GRB10: variants seen among roughly 807,000 people sequenced by gnomAD.
GRB10 encodes the protein growth factor receptor-bound protein 10.
GRB10 carries 20 observed loss-of-function variants against 80.9 expected under a neutral mutation model. The observed-to-expected ratio is 0.25, with a 90% CI of 0.17 to 0.36. The LOEUF (loss-of-function observed/expected upper bound fraction) is 0.36, where lower values mean the gene tolerates loss of function less well. Ranked by LOEUF, GRB10 falls within the 10% of genes least tolerant of loss-of-function variation. The probability of loss-of-function intolerance (pLI) is 1.00; values close to 1 mark genes in which losing one functional copy is unlikely to be tolerated. For missense variants in GRB10, 548 were observed against 747.7 expected, an observed-to-expected ratio of 0.73 and a Z score of 3.12; for synonymous variants, 291 against 291.5, an observed-to-expected ratio of 1.00 and a Z score of 0.02.
At chr7:50,641,592 C>T (rs2056282383) in intron 7 of GRB10, among the ~76,000 whole-genome samples, 2 of 152,230 alleles carry the variant, frequency 1.3e-5, no homozygotes, top group African/African-American at 2.4e-5. Flanking sequence ...ACAATGACAG[C>T]AGCTGAAGGC....
chr7:50,675,240 G>A (rs2237473), intron 5 of GRB10, among the ~76,000 whole-genome samples: 29,635 of 152,186 alleles, frequency 0.19, 3,773 homozygotes, highest in East Asian at 0.51. Context: ...CCATCCTCTC[G>A]ATTGGCCAGA....
chr7:50,763,229 T>A (rs919272450), intron 2 of GRB10, among the ~76,000 whole-genome samples: 1 of 151,476 alleles, frequency 6.6e-6, no homozygotes, highest in Non-Finnish European at 1.5e-5. Context: ...CAGCCCAACA[T>A]AAAAATGGGG....
At chr7:50,623,825 A>AT (rs145855464) in intron 8 of GRB10, among the ~76,000 whole-genome samples, 5,739 of 151,980 alleles carry the variant, frequency 0.038, 152 homozygotes, top group Non-Finnish European at 0.059. Flanking sequence ...TGGTTTTTGG[A>AT]TTTTTTTTCA....
rs1214897911 is a variant in GRB10, at chr7:50,609,952, A to G, written c.1194+2789T>C. Among the ~76,000 whole-genome samples the G allele has an allele frequency of 2.6e-5, 4 of 152,298 alleles. No individual in the cohort carries two copies. In the East Asian group the frequency reaches 7.7e-4, roughly 29 times the overall value. ...TTATTCATTTTTTTCAAGAAAGTGT[A>G]TCTGTGTAGGTAAAGATGTAAGAAG... On this transcript the variant is annotated intron_variant, in intron 13 of 18. Coordinates refer to ENST00000401949, the MANE Select transcript of GRB10 (RefSeq NM_001350814.2).
At chr7:50,704,996 AG>A (rs770435528) in intron 4 of GRB10, 6 of 271,258 alleles carry the variant, frequency 2.2e-5, no homozygotes, top group Non-Finnish European at 3.4e-5. Flanking sequence ...GATTTCAACA[AG>A]GTGCCCAAGC....
chr7:50,778,683 G>GGCCCCAGCCAGAA (rs1186472790), intron 2 of GRB10, among the ~76,000 whole-genome samples: 2 of 152,294 alleles, frequency 1.3e-5, no homozygotes, highest in Admixed American at 1.3e-4. Flanking sequence ...AACAGGCAAG[G>GGCCCCAGCCAGAA]GCCCCAGCCA....
At chr7:50,756,636 C>G (rs1406957701) in intron 2 of GRB10, among the ~76,000 whole-genome samples, 1 of 152,216 alleles carries the variant, frequency 6.6e-6, no homozygotes, top group Non-Finnish European at 1.5e-5. Context: ...GTCCTATGAA[C>G]TGAGAGCTCA....
chr7:50,600,638 C>A (rs1388553354), intron 17 of GRB10, among the ~76,000 whole-genome samples: 1 of 152,140 alleles, frequency 6.6e-6, no homozygotes, highest in Non-Finnish European at 1.5e-5. Flanking sequence ...AACATGAATG[C>A]ACCCCTTTAT....
intron 7 of GRB10, among the ~76,000 whole-genome samples, chr7:50,653,023 C>A (rs1288472104): frequency 1.3e-5 from 2 of 152,178 alleles, no homozygotes; most frequent in Non-Finnish European, 2.9e-5. Context: ...GAATTTTTGT[C>A]CCCTCTCATG....
chr7:50,611,053 A>G (rs1373223332), intron 13 of GRB10, among the ~76,000 whole-genome samples: 3 of 151,974 alleles, frequency 2.0e-5, no homozygotes. Context: ...TCAACCATAT[A>G]CAGACAGCTT....
intron 5 of GRB10, among the ~76,000 whole-genome samples, chr7:50,697,753 G>A (rs2063626003): frequency 6.6e-6 from 1 of 152,182 alleles, no homozygotes; most frequent in Non-Finnish European, 1.5e-5. Context: ...AGTTGAACTT[G>A]GTGTCAGGCA....
At chr7:50,669,976 G>T in intron 6 of GRB10, 113 bp from the exon 7 acceptor site, 1 of 1,299,960 alleles carries the variant, frequency 7.7e-7, no homozygotes, top group Non-Finnish European at 1.1e-6. Flanking sequence ...GGAGTCACTG[G>T]CATGCCCACG....
At position 50,592,738 on chromosome 7, in the gene GRB10, C is replaced by A; in HGVS notation, c.*214G>T. On this transcript the variant is annotated 3_prime_UTR_variant, in exon 19 of 19. Transcript: ENST00000401949. ...TCTTCCATGCCCTCCCCAATTTGGCCGATGCAGAGGGAGGCGACCCTGCTG... is the reference window on the plus strand; with the variant it reads ...TCTTCCATGCCCTCCCCAATTTGGCAGATGCAGAGGGAGGCGACCCTGCTG... 1 of 590,544 alleles carries A rather than the reference C, an allele frequency of 1.7e-6. No homozygotes were observed. Among genetic ancestry groups the A allele is most frequent in the Non-Finnish European group, 3.0e-6 (1 of 330,864 alleles). The allele number at this position is 590,544 out of a possible 1,614,324, so 36.6% of individuals were successfully genotyped here.
chr7:50,605,223 G>T (rs896453033), intron 15 of GRB10, 67 bp downstream of exon 15: 2 of 1,233,682 alleles, frequency 1.6e-6, no homozygotes, highest in Admixed American at 1.7e-5. Context: ...TCCTCTGGGA[G>T]AAGACCACGT....
intron 2 of GRB10, among the ~76,000 whole-genome samples, chr7:50,774,888 A>G (rs756260864): frequency 3.3e-5 from 5 of 151,966 alleles, no homozygotes; most frequent in Admixed American, 6.5e-5. Context: ...TCACTCCTGT[A>G]ATCTCAGCAC....
At chr7:50,621,466 C>A (rs556908808) in intron 8 of GRB10, among the ~76,000 whole-genome samples, 2 of 152,362 alleles carry the variant, frequency 1.3e-5, no homozygotes, top group African/African-American at 4.8e-5. Flanking sequence ...TCACTCACAG[C>A]AGGTCAGTGA....
In GRB10 at chr7:50,619,176, A is replaced by G; in HGVS notation, c.771T>C (p.Asn257=). Residue 257 remains asparagine, a synonymous_variant, in exon 9 of 19, where the codon AAT becomes AAC. Coordinates refer to ENST00000401949, the MANE Select transcript of GRB10 (RefSeq NM_001350814.2). The part of the protein sequence containing the change: ...KNYAKYEFFK[N]PMNFFPEQMV... ...CTGAAGAGGTAAGACTCACCATGGG[A>G]TTTTTAAAGAACTCGTATTTTGCGT... is the stretch of plus-strand genomic sequence containing the variant. 1.3e-6 allele frequency: 2 copies of G among 1,588,064 alleles called. No homozygotes were observed. The highest frequency in any genetic ancestry group is 1.7e-6 in the Non-Finnish European group (2 of 1,156,248).
At position 50,683,112 on chromosome 7, in the gene GRB10, A is replaced by C. The variant is rs76914942; in HGVS notation, c.140-8454T>G. Among the ~76,000 whole-genome samples the C allele has an allele frequency of 9.9e-3, 1,501 of 152,344 alleles. 22 individuals carry two copies. Among genetic ancestry groups the C allele is most frequent in the African/African-American group, 0.034 (1,406 of 41,572 alleles). ...GATGAACAGATGAAGAAAATGTGGC[A>C]CATATACACACAATGGAATATTATT... On this transcript the variant is annotated intron_variant, in intron 5 of 18. Coordinates refer to ENST00000401949, the MANE Select transcript of GRB10 (RefSeq NM_001350814.2).
intron 4 of GRB10, among the ~76,000 whole-genome samples, chr7:50,709,204 A>C (rs1266562312): frequency 6.6e-6 from 1 of 152,226 alleles, no homozygotes; most frequent in African/African-American, 2.4e-5. Flanking sequence ...GAACACGAGA[A>C]GCCCTCCCTC....
Sources: gnomAD v4.1 joint callset for allele counts (sites outside exome capture counted in the v4.1 genomes callset) on GRCh38, gnomAD v4.1.1 for gene constraint, MANE v1.5 for transcripts, NCBI Gene and HGNC (gene_info 2026-07-23, HGNC 2026-07-21) for gene names.